TMEM217B: variants seen among roughly 807,000 people sequenced by gnomAD.
TMEM217B encodes the protein putative transmembrane protein 217B.
At chr6:37,250,822 A>G in the TMEM217B span, among the ~76,000 whole-genome samples, 1 of 152,240 alleles carries the variant, frequency 6.6e-6, no homozygotes, top group Non-Finnish European at 1.5e-5. Context: ...ATTCTATTTC[A>G]TTAAAGGTCC....
chr6:37,216,071 TTTTA>T, the TMEM217B span, among the ~76,000 whole-genome samples: 4 of 151,768 alleles, frequency 2.6e-5, no homozygotes, highest in Admixed American at 2.0e-4. Context: ...CAGATTTGAA[TTTTA>T]TTTATTTATT....
chr6:37,215,573 A>G, the TMEM217B span, among the ~76,000 whole-genome samples: 1 of 19,804 alleles, frequency 5.0e-5, no homozygotes, highest in African/African-American at 2.2e-4. Flanking sequence ...TCTGTCTCAA[A>G]AAAAAAAAAA....
At chr6:37,229,345 T>TTG in the TMEM217B span, among the ~76,000 whole-genome samples, 3 of 128,698 alleles carry the variant, frequency 2.3e-5, no homozygotes, top group Non-Finnish European at 4.9e-5. Context: ...GTTTTTTTTT[T>TTG]TTTTTTTTTT....
the TMEM217B span, chr6:37,212,700 G>A: frequency 1.6e-6 from 1 of 632,602 alleles, no homozygotes; most frequent in South Asian, 1.5e-5. Flanking sequence ...TGATCCACAT[G>A]GCATAGATCA....
the TMEM217B span, among the ~76,000 whole-genome samples, chr6:37,221,226 G>A: frequency 2.1e-4 from 31 of 149,442 alleles, no homozygotes; most frequent in South Asian, 2.1e-3. Context: ...TCGCTCTGTC[G>A]CCCAGGCTGG....
the TMEM217B span, chr6:37,218,556 G>A: frequency 6.2e-7 from 1 of 1,614,142 alleles, no homozygotes. Flanking sequence ...ATATTGCCCT[G>A]GCTCCGGTTT....
At chr6:37,218,141 T>G in the TMEM217B span, 1 of 1,100,976 alleles carries the variant, frequency 9.1e-7, no homozygotes, top group Non-Finnish European at 1.1e-6. Context: ...CCAACATGAT[T>G]GCTTATAGTG....
At chr6:37,218,782 C>A in the TMEM217B span, 4 of 1,613,976 alleles carry the variant, frequency 2.5e-6, no homozygotes, top group African/African-American at 4.0e-5. Context: ...ACACTGAGTA[C>A]AGGAGGAAGC....
At chr6:37,252,845 G>T in the TMEM217B span, among the ~76,000 whole-genome samples, 1 of 151,544 alleles carries the variant, frequency 6.6e-6, no homozygotes, top group East Asian at 1.9e-4. Flanking sequence ...TTGTCATGTT[G>T]CCCAGGCTGG....
chr6:37,241,926 C>T, the TMEM217B span, among the ~76,000 whole-genome samples: 5 of 151,838 alleles, frequency 3.3e-5, no homozygotes, highest in African/African-American at 4.8e-5. Flanking sequence ...ATGGCTTTAT[C>T]GCGTTGTCTT....
the TMEM217B span, among the ~76,000 whole-genome samples, chr6:37,236,967 C>A: frequency 6.6e-6 from 1 of 152,188 alleles, no homozygotes; most frequent in African/African-American, 2.4e-5. Flanking sequence ...TCTGTGTGGG[C>A]TCCTTTGGGC....
the TMEM217B span, chr6:37,218,345 T>G: frequency 1.7e-5 from 22 of 1,267,814 alleles, no homozygotes; most frequent in Non-Finnish European, 1.9e-5. Flanking sequence ...ATTTTCTATT[T>G]TTTTTAGTAG....
At chr6:37,253,160 T>C in the TMEM217B span, among the ~76,000 whole-genome samples, 1 of 152,346 alleles carries the variant, frequency 6.6e-6, no homozygotes, top group East Asian at 1.9e-4. Context: ...TGATGTGCTA[T>C]GTAGCATTCA....
At chr6:37,213,112 G>C in the TMEM217B span, 39 of 725,432 alleles carry the variant, frequency 5.4e-5, no homozygotes, top group Non-Finnish European at 8.9e-5. Context: ...TGTGTGGACA[G>C]GCAATAGGCT....
At chr6:37,249,827 G>A in the TMEM217B span, among the ~76,000 whole-genome samples, 1 of 152,168 alleles carries the variant, frequency 6.6e-6, no homozygotes, top group African/African-American at 2.4e-5. Context: ...TGACCACTTT[G>A]AAAAACAGTT....
the TMEM217B span, chr6:37,212,534 T>C: frequency 1.5e-5 from 7 of 458,312 alleles, no homozygotes; most frequent in Non-Finnish European, 2.6e-5. Flanking sequence ...TTGTAAAGGT[T>C]GTATGCATGC....
At chr6:37,257,606 G>T in the TMEM217B span, 3 of 402,362 alleles carry the variant, frequency 7.5e-6, no homozygotes, top group Middle Eastern at 6.5e-4. Context: ...TTTGAGCCCC[G>T]CCTCTCGGCT....
At chr6:37,232,858 T>C in the TMEM217B span, among the ~76,000 whole-genome samples, 1 of 152,228 alleles carries the variant, frequency 6.6e-6, no homozygotes, top group African/African-American at 2.4e-5. Flanking sequence ...TTCTCTCACC[T>C]GTCTGGCAAC....
At chr6:37,236,844 TCTC>T in the TMEM217B span, among the ~76,000 whole-genome samples, 1 of 152,092 alleles carries the variant, frequency 6.6e-6, no homozygotes, top group East Asian at 1.9e-4. Flanking sequence ...ACTTGCTACT[TCTC>T]CTCAAACTTT....
Sources: allele counts gnomAD v4.1 joint callset (sites outside exome capture counted in the v4.1 genomes callset), GRCh38; gene constraint gnomAD v4.1.1; transcripts MANE v1.5; gene names NCBI Gene and HGNC (gene_info 2026-07-23, HGNC 2026-07-21).